The following TADA2A variants were observed in gnomAD, a reference collection of about 807,000 sequenced individuals.
TADA2A encodes transcriptional adaptor 2A.
TADA2A carries 38 observed loss-of-function variants against 67.4 expected under a neutral mutation model. That is an observed-to-expected ratio of 0.56 (90% CI 0.44 to 0.74). The LOEUF (loss-of-function observed/expected upper bound fraction) is 0.74. TADA2A is among the 30% of genes least tolerant of loss of function. The pLI, the probability that TADA2A is intolerant of heterozygous loss-of-function variation, is 0.00. For synonymous variants in TADA2A, 192 were observed against 181.6 expected (o/e 1.06, Z -0.46); for missense variants, 454 against 547.0 (o/e 0.83, Z 1.70).
chr17:37,475,663 A>G (rs1186582730), intron 15 of TADA2A, among the ~76,000 whole-genome samples: 3 of 151,968 alleles, frequency 2.0e-5, no homozygotes, highest in African/African-American at 7.3e-5. Flanking sequence ...ACGGGGTTTC[A>G]CCTTGTTAGC....
At chr17:37,475,275 G>A (rs1379609547) in intron 15 of TADA2A, among the ~76,000 whole-genome samples, 1 of 151,788 alleles carries the variant, frequency 6.6e-6, no homozygotes, top group Non-Finnish European at 1.5e-5. Context: ...AGGTTCAAGC[G>A]ATTCTTCTGC....
chr17:37,469,153 C>T (rs1196710095), intron 12 of TADA2A, among the ~76,000 whole-genome samples: 1 of 151,518 alleles, frequency 6.6e-6, no homozygotes, highest in Non-Finnish European at 1.5e-5. Flanking sequence ...GTGATCCACC[C>T]ACCTCAGCCT....
chr17:37,470,126 C>G (rs1482193229), intron 12 of TADA2A, among the ~76,000 whole-genome samples: 7 of 152,050 alleles, frequency 4.6e-5, no homozygotes, highest in African/African-American at 1.7e-4. Context: ...ATGAGCAATT[C>G]TTACTTTCTT....
chr17:37,463,009 G>A (rs853193), intron 10 of TADA2A, among the ~76,000 whole-genome samples: 71,834 of 151,856 alleles, frequency 0.47, 17,623 homozygotes, highest in East Asian at 0.79. Flanking sequence ...TTCTTGCACT[G>A]TTGCCCAGGA....
At chr17:37,449,237 A>G in intron 8 of TADA2A, among the ~76,000 whole-genome samples, 1 of 152,016 alleles carries the variant, frequency 6.6e-6, no homozygotes, top group East Asian at 1.9e-4. Flanking sequence ...TAGCCAGGAT[A>G]GTCTCGATCT....
In TADA2A at chr17:37,440,462, TA is replaced by T. The variant is rs772153037; in HGVS notation, c.285-40del. On this transcript the variant is annotated intron_variant, in intron 5 of 15. Coordinates refer to ENST00000615182, the MANE Select transcript of TADA2A (RefSeq NM_001166105.3). ...CAAATGATGCTTTTAGTATTATGTG[TA>T]AATACAAGTACCACTTCTCTCTTTT... 1.9e-6 allele frequency: 3 copies of T among 1,606,008 alleles called. No homozygotes were observed. The South Asian group carries it at 3.3e-5, about 18-fold the overall frequency.
chr17:37,458,621 G>T (rs752705506), intron 9 of TADA2A, 34 bp downstream of exon 9: 1 of 1,560,198 alleles, frequency 6.4e-7, no homozygotes, highest in East Asian at 2.3e-5. Flanking sequence ...CCTCCTTTCA[G>T]CTTTGGATTA....
chr17:37,413,943 C>G (rs1017920590), intron 2 of TADA2A, among the ~76,000 whole-genome samples: 5 of 151,956 alleles, frequency 3.3e-5, no homozygotes, highest in African/African-American at 1.2e-4. Context: ...GGGTCCTCTC[C>G]CTCCTCCCAC....
chr17:37,435,925 G>T (rs2147955724), intron 4 of TADA2A, among the ~76,000 whole-genome samples: 1 of 151,872 alleles, frequency 6.6e-6, no homozygotes, highest in East Asian at 1.9e-4. Context: ...ATGTTGCCCA[G>T]GCTGGTCTCA....
chr17:37,437,984 T>C, intron 5 of TADA2A, 155 bp downstream of exon 5: 1 of 673,774 alleles, frequency 1.5e-6, no homozygotes, highest in South Asian at 1.9e-5. Context: ...CTGTACATTA[T>C]TTTTCCAGTG....
chr17:37,451,818 TACTAAAAATACAAAA>T (rs1408052025), intron 8 of TADA2A, among the ~76,000 whole-genome samples: 1 of 151,708 alleles, frequency 6.6e-6, no homozygotes, highest in African/African-American at 2.4e-5. Context: ...ACCCCGTCTC[TACTAAAAATACAAAA>T]ATTAGCCAGA....
chr17:37,471,795 C>T (rs75430656), intron 14 of TADA2A, among the ~76,000 whole-genome samples: 75 of 151,842 alleles, frequency 4.9e-4, no homozygotes, highest in Non-Finnish European at 9.6e-4. Flanking sequence ...CGTGAGCCAC[C>T]GTGCCCAGCC....
chr17:37,446,576 C>G (rs1340406482), intron 8 of TADA2A, among the ~76,000 whole-genome samples: 2 of 149,508 alleles, frequency 1.3e-5, no homozygotes, highest in African/African-American at 5.0e-5. Context: ...CCAGCCTGGG[C>G]AACACAGTGA....
At chr17:37,467,893 C>T (rs887654145) in intron 12 of TADA2A, among the ~76,000 whole-genome samples, 1 of 151,972 alleles carries the variant, frequency 6.6e-6, no homozygotes, top group African/African-American at 2.4e-5. Flanking sequence ...ACCAGCCTGA[C>T]CAACATGGTG....
Position 37,411,257 on chromosome 17 carries a change from G to A in TADA2A, c.-97-12G>A. 1 of 996,760 alleles carries A rather than the reference G, an allele frequency of 1.0e-6. No homozygotes were observed. Among genetic ancestry groups the A allele is most frequent in the Non-Finnish European group, 1.6e-6 (1 of 633,392 alleles). 61.7% of individuals were successfully genotyped at this position (996,760 alleles called of 1,614,324 possible). On this transcript the variant is annotated splice_polypyrimidine_tract_variant and intron_variant, in intron 1 of 15. Transcript: ENST00000615182. ...ATTTTCTGATCCATGTGCCACTTTT[G>A]TTTGTTCCTAGGGAGTCATCAAGCT...
At chr17:37,459,908 A>G (rs1439579245) in intron 9 of TADA2A, among the ~76,000 whole-genome samples, 1 of 151,580 alleles carries the variant, frequency 6.6e-6, no homozygotes, top group Non-Finnish European at 1.5e-5. Flanking sequence ...TCTACTAAAA[A>G]TACAAAAATT....
intron 2 of TADA2A, among the ~76,000 whole-genome samples, chr17:37,412,385 C>T (rs925982188): frequency 8.5e-5 from 13 of 152,108 alleles, no homozygotes; most frequent in African/African-American, 3.1e-4. Flanking sequence ...ATCATCCCAC[C>T]TCCCCCTTGA....
intron 8 of TADA2A, among the ~76,000 whole-genome samples, chr17:37,456,370 G>GT (rs1374202601): frequency 2.6e-5 from 4 of 152,182 alleles, no homozygotes; most frequent in African/African-American, 9.7e-5. Flanking sequence ...TTTGGAAGAG[G>GT]TGAGTTACAG....
Position 37,465,510 on chromosome 17 carries a change from G to A in TADA2A, c.792G>A (p.Val264=), listed in dbSNP as rs760294144. The A allele has an allele frequency of 1.1e-5, 17 of 1,614,132 alleles. No homozygotes were observed. In the South Asian group the frequency reaches 1.9e-4, roughly 18 times the overall value. The change falls in exon 11 of 16, where the codon GTG becomes GTA. Residue 264 remains valine (V), a synonymous_variant. Transcript: ENST00000615182. ...GATTTGCAAGAATTGTGGGGCCAGT[G>A]GAACATGACAAATTCATTGAAAGCC... is the stretch of plus-strand genomic sequence containing the variant. ...MRRFARIVGP[V]EHDKFIESHA...
Sources: allele counts gnomAD v4.1 joint callset (sites outside exome capture counted in the v4.1 genomes callset), GRCh38; gene constraint gnomAD v4.1.1; transcripts MANE v1.5; gene names NCBI Gene and HGNC (gene_info 2026-07-23, HGNC 2026-07-21).